The following TBC1D19 variants were observed in gnomAD, a reference collection of about 807,000 sequenced individuals.
TBC1D19 encodes TBC1 domain family member 19.
A neutral mutation model predicts 89.0 loss-of-function variants in TBC1D19; 60 were observed. That is an observed-to-expected ratio of 0.67 (90% CI 0.55 to 0.84). The LOEUF is 0.84. TBC1D19 is among the 40% of genes least tolerant of loss of function. TBC1D19 has a pLI of 0.00. For missense variants in TBC1D19, 500 were observed against 610.8 expected (o/e 0.82, Z 1.91); for synonymous variants, 189 against 199.7 (o/e 0.95, Z 0.45).
At chr4:26,706,034 C>T (rs1474455205) in intron 13 of TBC1D19, among the ~76,000 whole-genome samples, 1 of 152,096 alleles carries the variant, frequency 6.6e-6, no homozygotes, top group African/African-American at 2.4e-5. Flanking sequence ...TGCCTCAACT[C>T]TCTGAGTATC....
At chr4:26,831,608 A>T in the TBC1D19 span, among the ~76,000 whole-genome samples, 6 of 121,278 alleles carry the variant, frequency 4.9e-5, no homozygotes, top group African/African-American at 6.6e-5. Flanking sequence ...TTTTTTTGAG[A>T]CGGAGTCTCT....
chr4:26,724,793 ATTCCCCTGTATACACAGATGCT>A (rs140656141), intron 15 of TBC1D19, among the ~76,000 whole-genome samples: 1,714 of 152,236 alleles, frequency 0.011, 35 homozygotes, highest in African/African-American at 0.039. Context: ...TAAGTTTTAG[ATTCCCCTGTATACACAGATGCT>A]TTCCAAAGCC....
chr4:26,727,680 A>G (rs1353182748), intron 15 of TBC1D19, among the ~76,000 whole-genome samples: 1 of 152,224 alleles, frequency 6.6e-6, no homozygotes, highest in Non-Finnish European at 1.5e-5. Context: ...CCAGAGTCAC[A>G]CAGGATTCAA....
At chr4:26,789,032 TC>T in the TBC1D19 span, among the ~76,000 whole-genome samples, 1 of 152,230 alleles carries the variant, frequency 6.6e-6, no homozygotes, top group African/African-American at 2.4e-5. Flanking sequence ...TGGGTAGTTG[TC>T]ACCTCAAATT....
the TBC1D19 span, among the ~76,000 whole-genome samples, chr4:26,787,101 G>GTTT: frequency 3.1e-5 from 4 of 129,366 alleles, no homozygotes; most frequent in Admixed American, 7.7e-5. Flanking sequence ...AGAGGAACTA[G>GTTT]TTTTTTTTTT....
chr4:26,672,235 C>A (rs776717741), intron 10 of TBC1D19, 48 bp downstream of exon 10: 21 of 1,278,544 alleles, frequency 1.6e-5, no homozygotes, highest in Admixed American at 2.6e-5. Context: ...GTGAGACAGT[C>A]CCAGCTAAAT....
intron 19 of TBC1D19, among the ~76,000 whole-genome samples, chr4:26,752,849 C>T (rs779198948): frequency 4.6e-5 from 7 of 152,008 alleles, no homozygotes; most frequent in East Asian, 1.9e-4. Flanking sequence ...TTTTAAGAGA[C>T]GGGTTTTTGC....
intron 15 of TBC1D19, among the ~76,000 whole-genome samples, chr4:26,728,150 A>G (rs2109288444): frequency 6.6e-6 from 1 of 152,370 alleles, no homozygotes; most frequent in African/African-American, 2.4e-5. Context: ...AAGTATTTTT[A>G]TAAGATGAAA....
chr4:26,838,240 C>T, the TBC1D19 span, among the ~76,000 whole-genome samples: 19 of 152,104 alleles, frequency 1.2e-4, no homozygotes, highest in African/African-American at 3.4e-4. Flanking sequence ...AGTTGTTGGA[C>T]GTATGTATAC....
At chr4:26,752,860 C>T (rs1719048583) in intron 19 of TBC1D19, among the ~76,000 whole-genome samples, 1 of 152,044 alleles carries the variant, frequency 6.6e-6, no homozygotes, top group Admixed American at 6.6e-5. Flanking sequence ...GGGTTTTTGC[C>T]ATGTTGCCCA....
the TBC1D19 span, among the ~76,000 whole-genome samples, chr4:26,849,201 A>AAACACAC: frequency 2.0e-5 from 3 of 149,282 alleles, no homozygotes; most frequent in East Asian, 6.0e-4. Flanking sequence ...CACACACACA[A>AAACACAC]ACACACACAC....
At chr4:26,849,201 A>C in the TBC1D19 span, among the ~76,000 whole-genome samples, 7 of 149,176 alleles carry the variant, frequency 4.7e-5, no homozygotes, top group East Asian at 2.0e-4. Context: ...CACACACACA[A>C]ACACACACAC....
chr4:26,671,622 T>C (rs897970517), intron 9 of TBC1D19, among the ~76,000 whole-genome samples: 1 of 151,824 alleles, frequency 6.6e-6, no homozygotes, highest in African/African-American at 2.4e-5. Context: ...ATGGCATTTG[T>C]AGAGCGAGAT....
intron 19 of TBC1D19, among the ~76,000 whole-genome samples, chr4:26,748,734 G>C (rs1209274402): frequency 1.3e-5 from 2 of 152,198 alleles, no homozygotes; most frequent in African/African-American, 4.8e-5. Context: ...CCTACTTCTA[G>C]TCTTTCTTCC....
At chr4:26,782,528 ACT>A in the TBC1D19 span, among the ~76,000 whole-genome samples, 10 of 151,914 alleles carry the variant, frequency 6.6e-5, no homozygotes, top group African/African-American at 1.9e-4. Flanking sequence ...CTGGAATTAG[ACT>A]CTTAATTATA....
intron 1 of TBC1D19, among the ~76,000 whole-genome samples, chr4:26,599,744 G>C (rs1740469175): frequency 6.6e-6 from 1 of 152,008 alleles, no homozygotes; most frequent in African/African-American, 2.4e-5. Context: ...TCAGGAGTTT[G>C]AGACCAGCCT....
chr4:26,606,684 G>C (rs368698735), intron 1 of TBC1D19, among the ~76,000 whole-genome samples: 1 of 152,136 alleles, frequency 6.6e-6, no homozygotes, highest in East Asian at 1.9e-4. Flanking sequence ...AGCATTAAAT[G>C]GTTAGTCAAC....
intron 18 of TBC1D19, among the ~76,000 whole-genome samples, chr4:26,744,688 T>C (rs1408353337): frequency 6.6e-6 from 1 of 152,132 alleles, no homozygotes; most frequent in Non-Finnish European, 1.5e-5. Flanking sequence ...AAAGCTATCT[T>C]TCTGGCATTT....
intron 13 of TBC1D19, chr4:26,702,518 G>A (rs1022044077): frequency 6.6e-6 from 1 of 152,286 alleles, no homozygotes; most frequent in East Asian, 1.9e-4. Flanking sequence ...AGCATTAGGT[G>A]CTAAGTCAGT....
Sources: gnomAD v4.1 joint callset for allele counts (sites outside exome capture counted in the v4.1 genomes callset) on GRCh38, gnomAD v4.1.1 for gene constraint, MANE v1.5 for transcripts, NCBI Gene and HGNC (gene_info 2026-07-23, HGNC 2026-07-21) for gene names.